STARD7: variants seen among roughly 807,000 people sequenced by gnomAD.
STARD7 encodes stAR-related lipid transfer protein 7, mitochondrial.
In STARD7, 30 loss-of-function variants were observed where a neutral mutation model predicts 45.3. The observed-to-expected ratio is 0.66, with a 90% CI of 0.50 to 0.90. The LOEUF (loss-of-function observed/expected upper bound fraction) is 0.90, where lower values mean the gene tolerates loss of function less well. Ranked by LOEUF, STARD7 falls within the 40% of genes least tolerant of loss-of-function variation. The pLI is 0.00. For synonymous variants in STARD7, 199 were observed against 183.0 expected (o/e 1.09, Z -0.70); for missense variants, 495 against 491.3 (o/e 1.01, Z -0.07).
intron 1 of STARD7, among the ~76,000 whole-genome samples, chr2:96,196,634 T>C (rs1339717315): frequency 6.6e-6 from 1 of 152,138 alleles, no homozygotes; most frequent in Non-Finnish European, 1.5e-5. Context: ...GCTGATTTTT[T>C]GTATTTTTAG....
chr2:96,207,873 A>T (rs941167419), intron 1 of STARD7, among the ~76,000 whole-genome samples: 21 of 152,214 alleles, frequency 1.4e-4, no homozygotes, highest in African/African-American at 5.1e-4. Context: ...ATTGATTTCT[A>T]CAGTGTTGTT....
intron 1 of STARD7, 128 bp from the exon 2 acceptor site, chr2:96,195,677 T>A: frequency 1.5e-6 from 1 of 650,674 alleles, no homozygotes; most frequent in Non-Finnish European, 2.7e-6. Context: ...CAGGACACAG[T>A]ATAGTCAATA....
At chr2:96,187,051 A>G in intron 7 of STARD7, 137 bp from the exon 8 acceptor site, 1 of 939,090 alleles carries the variant, frequency 1.1e-6, no homozygotes. Flanking sequence ...TGTGAATAAG[A>G]GCTGCCTCCC....
chr2:96,207,443 T>A (rs1196369512), intron 1 of STARD7, among the ~76,000 whole-genome samples: 1 of 152,202 alleles, frequency 6.6e-6, no homozygotes. Flanking sequence ...CCCCATGACA[T>A]TACCTGGAAA....
chr2:96,186,680 G>A lies in STARD7; in HGVS notation c.*50C>T, dbSNP rs756570307. ...CCCCCTTCTACAGCAGAGTGATAAC[G>A]GACTGAGACAGGGCTAGAAGCACCT... On this transcript the variant is annotated 3_prime_UTR_variant, in exon 8 of 8. Transcript: ENST00000337288. The A allele has an allele frequency of 4.8e-6, 7 of 1,444,694 alleles. No individual in the cohort carries two copies. Among genetic ancestry groups the A allele is most frequent in the South Asian group, 4.2e-5 (3 of 72,100 alleles). The allele number at this position is 1,444,694 out of a possible 1,614,324, so 89.5% of individuals were successfully genotyped here.
At chr2:96,189,810 T>C (rs892483974) in intron 6 of STARD7, among the ~76,000 whole-genome samples, 1 of 152,196 alleles carries the variant, frequency 6.6e-6, no homozygotes, top group African/African-American at 2.4e-5. Context: ...TCTTACTGTA[T>C]TGTTATTCTG....
rs1173696752 is a variant in STARD7 at position 96,200,032 on chromosome 2, T to C, written c.291-4483A>G. On this transcript the variant is annotated intron_variant, in intron 1 of 7. Transcript: ENST00000337288. ...CTACTTTTCATGGCATATAATCCAT[T>C]TCATATATTGCTGAGTTCAGTTTGT... Among the ~76,000 whole-genome samples the C allele has an allele frequency of 2.0e-5, 3 of 152,326 alleles. 1 individual carries two copies. In the South Asian group the frequency reaches 6.2e-4, roughly 32 times the overall value.
At chr2:96,197,098 A>T (rs548630461) in intron 1 of STARD7, among the ~76,000 whole-genome samples, 11 of 144,386 alleles carry the variant, frequency 7.6e-5, no homozygotes, top group African/African-American at 2.5e-4. Context: ...AAATAAAATA[A>T]AATAAAATAA....
At chr2:96,194,177 T>A (rs975042470) in intron 3 of STARD7, among the ~76,000 whole-genome samples, 1 of 151,956 alleles carries the variant, frequency 6.6e-6, no homozygotes, top group African/African-American at 2.4e-5. Flanking sequence ...CTAGGAGACA[T>A]AGGGAGACCC....
chr2:96,196,147 C>T (rs930872676), intron 1 of STARD7, among the ~76,000 whole-genome samples: 1 of 148,268 alleles, frequency 6.7e-6, no homozygotes, highest in Non-Finnish European at 1.5e-5. Flanking sequence ...CAAAAAACAA[C>T]GAAAAAAAAG....
At chr2:96,188,921 C>CAA (rs111237898) in intron 6 of STARD7, among the ~76,000 whole-genome samples, 13 of 150,656 alleles carry the variant, frequency 8.6e-5, no homozygotes, top group South Asian at 4.2e-4. Context: ...CAAACAAAAA[C>CAA]AAAAAAACAA....
At chr2:96,189,438 C>T (rs1683090228) in intron 6 of STARD7, among the ~76,000 whole-genome samples, 1 of 152,128 alleles carries the variant, frequency 6.6e-6, no homozygotes, top group African/African-American at 2.4e-5. Context: ...GGCACGGTGG[C>T]TCATGCCTGT....
Position 96,195,435 on chromosome 2 carries a change from C to T in STARD7, c.405G>A (p.Glu135=), listed in dbSNP as rs1282877676. The T allele has an allele frequency of 1.5e-5, 24 of 1,613,098 alleles. No homozygotes were observed. Among genetic ancestry groups the T allele is most frequent in the East Asian group, 1.1e-4 (5 of 44,864 alleles). Residue 135 remains glutamate, a synonymous_variant, in exon 2 of 8, where the codon GAG becomes GAA. Coordinates refer to ENST00000337288, the MANE Select transcript of STARD7 (RefSeq NM_020151.4). The part of the protein sequence containing the change: ...KAQTEGNEDS[E]GKEQRWEMVM... The stretch of plus-strand genomic sequence containing the variant: ...CCATTTCCCAACGTTGCTCTTTGCC[C>T]TCTGAATCTTCATTCCCTTCTGTTT...
At position 96,187,203 on chromosome 2, in the gene STARD7, T is replaced by C. The variant is rs142809493; in HGVS notation, c.928+14A>G. 5.6e-6 allele frequency: 9 copies of C among 1,597,460 alleles called. No homozygotes were observed. Among genetic ancestry groups the C allele is most frequent in the African/African-American group, 4.0e-5 (3 of 74,648 alleles). On this transcript the variant is annotated intron_variant, in intron 7 of 7. Coordinates refer to ENST00000337288, the MANE Select transcript of STARD7 (RefSeq NM_020151.4). ...AACCCAGGTTCCAGGCCCTGTATAC[T>C]TGCCCTTACTTACCACTGGAAACCA... is the stretch of plus-strand genomic sequence containing the variant.
intron 1 of STARD7, among the ~76,000 whole-genome samples, chr2:96,199,122 T>C (rs1366849590): frequency 6.6e-6 from 1 of 152,212 alleles, no homozygotes; most frequent in African/African-American, 2.4e-5. Context: ...TCCTCCAAAC[T>C]TTGTTCTCTT....
intron 1 of STARD7, among the ~76,000 whole-genome samples, chr2:96,201,561 C>G (rs1215671946): frequency 2.6e-5 from 4 of 151,692 alleles, no homozygotes; most frequent in African/African-American, 9.7e-5. Flanking sequence ...GCACTCCAGC[C>G]TGGCAACAGA....
At position 96,208,328 on chromosome 2, in the gene STARD7, C is replaced by CGCACGCGCA. The variant is rs1683436140; in HGVS notation, c.98_106dup (p.Leu33_Val35dup). 1 of 1,603,900 alleles carries CGCACGCGCA rather than the reference C, an allele frequency of 6.2e-7. No individual in the cohort carries two copies. The highest frequency in any genetic ancestry group is 1.3e-5 in the African/African-American group (1 of 74,634). On this transcript the variant is annotated inframe_insertion, in exon 1 of 8. Coordinates refer to ENST00000337288, the MANE Select transcript of STARD7 (RefSeq NM_020151.4). The stretch of plus-strand genomic sequence containing the variant: ...GAGCTGCGCGATCTGCTGCGCGCGC[C>CGCACGCGCA]GCACGCGCAGGCCCGTGACGAAGCG...
rs751521477 is a variant in STARD7 at position 96,195,502 on chromosome 2, T to C, written c.338A>G (p.Gln113Arg). 3.1e-6 allele frequency: 5 copies of C among 1,613,736 alleles called. No individual in the cohort carries two copies. Among genetic ancestry groups the C allele is most frequent in the Middle Eastern group, 3.3e-4 (2 of 6,084 alleles). ...KRLEEMSNMF[Q>R]SSGVQHHPPE... ...AGGGTGGTGCTGGACTCCAGAGCTC[T>C]GAAACATATTTGACATTTCTTCCAA... Residue 113 changes from glutamine (Q) to arginine (R), a missense_variant, in exon 2 of 8, where the codon CAG becomes CGG. Coordinates refer to ENST00000337288, the MANE Select transcript of STARD7 (RefSeq NM_020151.4).
chr2:96,196,684 A>G (rs1306420620), intron 1 of STARD7, among the ~76,000 whole-genome samples: 2 of 152,040 alleles, frequency 1.3e-5, no homozygotes, highest in African/African-American at 4.8e-5. Context: ...GACGGTCTCA[A>G]TCTCCTGACC....
Sources: allele counts gnomAD v4.1 joint callset (sites outside exome capture counted in the v4.1 genomes callset), GRCh38; gene constraint gnomAD v4.1.1; transcripts MANE v1.5; gene names NCBI Gene and HGNC (gene_info 2026-07-23, HGNC 2026-07-21).